DENND4A: variants seen among roughly 807,000 people sequenced by gnomAD.
The protein encoded by DENND4A is C-myc promoter-binding protein.
A neutral mutation model predicts 199.3 loss-of-function variants in DENND4A; 70 were observed. The ratio of observed to expected loss-of-function variants is 0.35; its 90% CI spans 0.29 to 0.43. The LOEUF is 0.43. Among genes scored for constraint, DENND4A ranks in the 20% least tolerant of loss-of-function variants. The pLI is 1.00. For missense variants in DENND4A, 1,723 were observed against 2,255.8 expected (o/e 0.76, Z 4.78); for synonymous variants, 686 against 766.9 (o/e 0.89, Z 1.74).
chr15:65,691,890 C>T (rs2076981314), intron 22 of DENND4A, among the ~76,000 whole-genome samples: 1 of 151,016 alleles, frequency 6.6e-6, no homozygotes, highest in Non-Finnish European at 1.5e-5. Flanking sequence ...TATATTAATT[C>T]CACTAAATAA....
At chr15:65,760,333 C>A (rs758713263) in intron 2 of DENND4A, among the ~76,000 whole-genome samples, 24 of 151,852 alleles carry the variant, frequency 1.6e-4, no homozygotes, top group Non-Finnish European at 3.1e-4. Context: ...CCCGTCTCTA[C>A]TTAAAATACA....
intron 1 of DENND4A, among the ~76,000 whole-genome samples, chr15:65,788,986 T>C (rs1036854658): frequency 3.3e-5 from 5 of 151,760 alleles, no homozygotes; most frequent in African/African-American, 1.2e-4. Flanking sequence ...CTCCTGCAAA[T>C]CTTTTTGCCA....
chr15:65,691,393 C>T lies in DENND4A; in HGVS notation c.3201G>A (p.Gln1067=), dbSNP rs1337705575. Residue 1067 remains glutamine, a synonymous_variant, in exon 23 of 33, where the codon CAG becomes CAA. Coordinates refer to ENST00000443035, the MANE Select transcript of DENND4A (RefSeq NM_001320835.1). ...HKSDNETNLQ[Q]QVVWGNRNRN... ...GGTTTCTATTTCCCCAGACCACTTGCTGCTGCAAATTAGTTTCATTGTCAC... is the reference window on the plus strand; with the variant it reads ...GGTTTCTATTTCCCCAGACCACTTGTTGCTGCAAATTAGTTTCATTGTCAC... 1 of 1,613,466 alleles carries T rather than the reference C, an allele frequency of 6.2e-7. No homozygotes were observed. The highest frequency in any genetic ancestry group is 1.1e-5 in the South Asian group (1 of 91,068).
rs948241909 is a variant in DENND4A at position 65,719,487 on chromosome 15, C to T, written c.1589-1491G>A. Reference sequence around the variant, plus strand: ...GTAGACACCACCTTAATCAAGTGATCGAAGTGAATATCTTCATCAATAATG... The same window carrying T: ...GTAGACACCACCTTAATCAAGTGATTGAAGTGAATATCTTCATCAATAATG... On this transcript the variant is annotated intron_variant, in intron 12 of 32. Transcript: ENST00000443035. Among the ~76,000 whole-genome samples, 13 of 152,074 alleles carry T rather than the reference C, an allele frequency of 8.5e-5. No homozygotes were observed. The South Asian group carries it at 1.5e-3, about 17-fold the overall frequency.
At chr15:65,766,250 CAAAA>C (rs5813366) in intron 1 of DENND4A, among the ~76,000 whole-genome samples, 1 of 93,884 alleles carries the variant, frequency 1.1e-5, no homozygotes, top group Non-Finnish European at 2.3e-5. Flanking sequence ...GACTCCACCT[CAAAA>C]AAAAAAAAAA....
chr15:65,731,566 T>C lies in DENND4A; in HGVS notation c.1166+76A>G. On this transcript the variant is annotated intron_variant, in intron 9 of 32. Coordinates refer to ENST00000443035, the MANE Select transcript of DENND4A (RefSeq NM_001320835.1). Reference sequence around the variant, plus strand: ...AGTATTTCCATCAATATTTGAAATTTTAGCTAGGAAAAATAAAATATTTGA... The same window carrying C: ...AGTATTTCCATCAATATTTGAAATTCTAGCTAGGAAAAATAAAATATTTGA... The C allele has an allele frequency of 3.5e-6, 4 of 1,139,474 alleles. No individual in the cohort carries two copies. The Middle Eastern group carries it at 7.9e-4, about 224-fold the overall frequency. The allele number at this position is 1,139,474 out of a possible 1,614,324, so 70.6% of individuals were successfully genotyped here.
At chr15:65,681,420 C>T (rs1479427154) in intron 23 of DENND4A, 2 of 149,574 alleles carry the variant, frequency 1.3e-5, no homozygotes, top group African/African-American at 4.9e-5. Context: ...CCTATTATGG[C>T]TATAACTTTA....
rs2077759614 is a variant in DENND4A, at chr15:65,792,277, G to C, written c.-369C>G. 2.0e-5 allele frequency: 3 copies of C among 151,520 alleles called. No homozygotes were observed. The highest frequency in any genetic ancestry group is 2.1e-4 in the South Asian group (1 of 4,758). 9.4% of individuals were successfully genotyped at this position (151,520 alleles called of 1,614,324 possible). ...TCTAGCCTCCGCGGCCACCGCGACC[G>C]GCGCCATCTTGGCAATGACGGAAGG... On this transcript the variant is annotated 5_prime_UTR_variant, in exon 1 of 33. Transcript: ENST00000443035.
intron 12 of DENND4A, among the ~76,000 whole-genome samples, chr15:65,720,900 C>T (rs2075601574): frequency 7.1e-6 from 1 of 140,220 alleles, no homozygotes; most frequent in Non-Finnish European, 1.5e-5. Flanking sequence ...TAGTTTTAAC[C>T]TTTGAGATTC....
intron 1 of DENND4A, among the ~76,000 whole-genome samples, chr15:65,785,910 T>C (rs1170514421): frequency 6.6e-6 from 1 of 152,086 alleles, no homozygotes; most frequent in Non-Finnish European, 1.5e-5. Context: ...TTTGTAACTA[T>C]CCTGAAAATA....
intron 1 of DENND4A, among the ~76,000 whole-genome samples, chr15:65,769,155 T>C (rs75745640): frequency 0.02 from 3,078 of 151,752 alleles, 124 homozygotes; most frequent in African/African-American, 0.07. Context: ...ACGCATAGAT[T>C]TTTTAAAAAT....
chr15:65,700,968 A>T, intron 19 of DENND4A, 83 bp downstream of exon 19: 1 of 1,430,240 alleles, frequency 7.0e-7, no homozygotes, highest in Non-Finnish European at 9.5e-7. Flanking sequence ...TCAATATTTT[A>T]AAACTATTTA....
intron 7 of DENND4A, among the ~76,000 whole-genome samples, chr15:65,733,202 C>A (rs58821449): frequency 0.067 from 10,138 of 152,132 alleles, 335 homozygotes; most frequent in African/African-American, 0.087. Context: ...TTAAGGTGCT[C>A]CAGAAAAAAT....
At chr15:65,700,521 T>A (rs2074828623) in intron 20 of DENND4A, 23 bp downstream of exon 20, 4 of 1,346,236 alleles carry the variant, frequency 3.0e-6, no homozygotes, top group Middle Eastern at 1.9e-4. Context: ...CTATAATAAA[T>A]GTATACATAA....
chr15:65,720,330 C>T (rs988749053), intron 12 of DENND4A, among the ~76,000 whole-genome samples: 1 of 151,564 alleles, frequency 6.6e-6, no homozygotes, highest in Non-Finnish European at 1.5e-5. Context: ...TAATCGTCTT[C>T]GAGAGTTTTT....
intron 1 of DENND4A, among the ~76,000 whole-genome samples, chr15:65,768,886 C>T (rs1031483029): frequency 6.6e-6 from 1 of 151,566 alleles, no homozygotes; most frequent in African/African-American, 2.4e-5. Context: ...CCCAGGTACT[C>T]GGGTGGCTGA....
chr15:65,705,820 G>T, intron 15 of DENND4A: 1 of 214,134 alleles, frequency 4.7e-6, no homozygotes, highest in Non-Finnish European at 8.0e-6. Context: ...GGTGTGGGGA[G>T]TCTAACTGAA....
chr15:65,753,870 T>G (rs1181716488), intron 3 of DENND4A: 2 of 151,382 alleles, frequency 1.3e-5, no homozygotes, highest in South Asian at 4.2e-4. Flanking sequence ...GTTTCGCTTT[T>G]GTTGCCCAGG....
In DENND4A at chr15:65,752,586, T is replaced by G; in HGVS notation, c.354A>C (p.Glu118Asp). The G allele has an allele frequency of 1.3e-6, 2 of 1,590,556 alleles. No homozygotes were observed. Among genetic ancestry groups the G allele is most frequent in the African/African-American group, 2.7e-5 (2 of 74,552 alleles). Residue 118 changes from glutamate to aspartate, a missense_variant, in exon 4 of 33, where the codon GAA (glutamate) becomes GAC (aspartate). Coordinates refer to ENST00000443035, the MANE Select transcript of DENND4A (RefSeq NM_001320835.1). ...DWKERLKQGC[E>D]IIQSTPYGRP... ...GCCCATAGGGAGTACTCTGAATAATTTCACAACCCTGTTTCAATCTTTCTT... is the reference window on the plus strand; with the variant it reads ...GCCCATAGGGAGTACTCTGAATAATGTCACAACCCTGTTTCAATCTTTCTT...
Sources: gnomAD v4.1 joint callset for allele counts (sites outside exome capture counted in the v4.1 genomes callset) on GRCh38, gnomAD v4.1.1 for gene constraint, MANE v1.5 for transcripts, NCBI Gene and HGNC (gene_info 2026-07-23, HGNC 2026-07-21) for gene names.